EIF2S3: variants seen among roughly 807,000 people sequenced by gnomAD.
EIF2S3 encodes the protein eukaryotic translation initiation factor 2 subunit gamma.
Under a neutral mutation model 31.7 loss-of-function variants are expected in EIF2S3, and 2 were observed. The observed-to-expected ratio is 0.06, with a 90% confidence interval of 0.03 to 0.20. The LOEUF (loss-of-function observed/expected upper bound fraction) is 0.20. Among genes scored for constraint, EIF2S3 ranks in the 10% least tolerant of loss-of-function variants. The probability of loss-of-function intolerance (pLI) is 1.00; values close to 1 mark genes in which losing one functional copy is unlikely to be tolerated. For synonymous variants in EIF2S3, 120 were observed against 126.7 expected (o/e 0.95, Z 0.36); for missense variants, 96 against 359.3 (o/e 0.27, Z 5.92).
intron 9 of EIF2S3, among the ~76,000 whole-genome samples, chrX:24,069,070 AC>A (rs372091275): frequency 1.6e-4 from 18 of 111,604 alleles, no homozygotes; most frequent in African/African-American, 5.5e-4. Flanking sequence ...ATAAAAGAAA[AC>A]AAAAAAATGA....
At chrX:24,066,905 T>C (rs138740783) in intron 8 of EIF2S3, among the ~76,000 whole-genome samples, 1,486 of 112,153 alleles carry the variant, frequency 0.013, 29 homozygotes, top group African/African-American at 0.045. Flanking sequence ...ACAATAAACA[T>C]GGGAGTGCAG....
At chrX:24,060,205 G>A in intron 5 of EIF2S3, 23 bp downstream of exon 5, 5 of 1,150,055 alleles carry the variant, frequency 4.3e-6, no homozygotes, top group Non-Finnish European at 6.0e-6. Flanking sequence ...CAATTGGTTT[G>A]GACAAATCAA....
chrX:24,059,526 G>A (rs1253917113), intron 4 of EIF2S3, among the ~76,000 whole-genome samples: 2 of 109,527 alleles, frequency 1.8e-5, no homozygotes, highest in African/African-American at 3.3e-5. Flanking sequence ...GGGTTCAAGC[G>A]ATTCTCCTGC....
chrX:24,067,569 C>T (rs956294059), intron 8 of EIF2S3, among the ~76,000 whole-genome samples: 1 of 103,092 alleles, frequency 9.7e-6, no homozygotes, highest in Non-Finnish European at 2.0e-5. Context: ...TATGGTCTTC[C>T]GGTTGGACCT....
At chrX:24,063,551 G>A (rs1320936788) in intron 6 of EIF2S3, among the ~76,000 whole-genome samples, 2 of 111,298 alleles carry the variant, frequency 1.8e-5, no homozygotes, top group South Asian at 3.7e-4. Flanking sequence ...AGGCTGAGGC[G>A]GGTGGGTCAC....
chrX:24,077,871 G>GT lies in EIF2S3; in HGVS notation c.*1092dup, dbSNP rs1930779949. ...AGATCTTTTTAGGCCTTCATTTTAT[G>GT]TTTTTTCTTAACTGTTATATTATGA... On this transcript the variant is annotated 3_prime_UTR_variant, in exon 12 of 12. Transcript: ENST00000253039. The GT allele has an allele frequency of 4.5e-5, 5 of 111,502 alleles. No homozygotes were observed. In the South Asian group the frequency reaches 1.5e-3, roughly 33 times the overall value. 9.2% of individuals were successfully genotyped at this position (111,502 alleles called of 1,213,427 possible).
At chrX:24,059,301 A>G (rs1465763951) in intron 4 of EIF2S3, among the ~76,000 whole-genome samples, 4 of 112,522 alleles carry the variant, frequency 3.6e-5, no homozygotes, top group Non-Finnish European at 5.6e-5. Flanking sequence ...CATGCGATTA[A>G]AAAAACAATT....
intron 8 of EIF2S3, among the ~76,000 whole-genome samples, chrX:24,067,664 C>T (rs1341335548): frequency 1.8e-5 from 2 of 108,918 alleles, no homozygotes; most frequent in African/African-American, 6.7e-5. Context: ...GATCTCGGTT[C>T]ACTGCAACCT....
rs769499550 is a variant in EIF2S3 at position 24,055,015 on chromosome X, C to T, written c.47C>T (p.Ser16Leu). Residue 16 changes from serine (S) to leucine (L), a missense_variant, in exon 1 of 12, where the codon TCG becomes TTG. By Grantham distance (145) the Ser-to-Leu change is moderately radical. Transcript: ENST00000253039. ...GTGACTCTAGGGCAGCCGCATCTTT[C>T]GCGTCAGGATCTCACCACCTTGGTG... Reference protein sequence around the residue: ...AGVTLGQPHLSRQDLTTLDVT... With the variant: ...AGVTLGQPHLLRQDLTTLDVT... 8.3e-7 allele frequency: 1 copy of T among 1,209,011 alleles called. No individual in the cohort carries two copies. The highest frequency in any genetic ancestry group is 1.1e-6 in the Non-Finnish European group (1 of 895,098).
intron 7 of EIF2S3, among the ~76,000 whole-genome samples, chrX:24,065,100 G>C (rs1410044530): frequency 9.0e-6 from 1 of 111,552 alleles, no homozygotes; most frequent in Non-Finnish European, 1.9e-5. Context: ...CGAGCTTCTG[G>C]TGTTTAGTAG....
rs774578480 is a variant in EIF2S3, at chrX:24,057,120, T to C, written c.134-301T>C. ...ATCTCGGCTCACTGCAGCCTCCACC[T>C]CCTGGGTTCAAGTGATTCTTTTGCC... On this transcript the variant is annotated intron_variant, in intron 2 of 11. Transcript: ENST00000253039. Among the ~76,000 whole-genome samples, 3 of 112,725 alleles carry C rather than the reference T, an allele frequency of 2.7e-5. No homozygotes were observed. The East Asian group carries it at 8.4e-4, about 32-fold the overall frequency.
At chrX:24,056,814 A>G (rs1930410858) in intron 2 of EIF2S3, among the ~76,000 whole-genome samples, 1 of 112,054 alleles carries the variant, frequency 8.9e-6, no homozygotes, top group Non-Finnish European at 1.9e-5. Context: ...AGCTGTGATC[A>G]GGGCATTGCA....
chrX:24,056,226 C>T (rs1930401900), intron 2 of EIF2S3, among the ~76,000 whole-genome samples: 2 of 111,475 alleles, frequency 1.8e-5, no homozygotes, highest in Admixed American at 1.9e-4. Flanking sequence ...AAAAGTAAGA[C>T]TCCACCATGA....
At chrX:24,073,556 G>A (rs780079977) in intron 11 of EIF2S3, 130 of 147,446 alleles carry the variant, frequency 8.8e-4, no homozygotes, top group African/African-American at 4.0e-3. Context: ...AGCCGGGCGT[G>A]GTGGCGGGCG....
chrX:24,073,062 G>T (rs1452387474), intron 10 of EIF2S3, 29 bp from the exon 11 acceptor site: 1 of 1,180,426 alleles, frequency 8.5e-7, no homozygotes, highest in Middle Eastern at 2.4e-4. Context: ...TGATTTTGGG[G>T]TTTATTTTTC....
intron 11 of EIF2S3, among the ~76,000 whole-genome samples, chrX:24,075,985 T>A (rs1337798269): frequency 2.7e-5 from 3 of 111,176 alleles, no homozygotes; most frequent in Admixed American, 1.9e-4. Flanking sequence ...ATTACAGACA[T>A]GAGCCACCCC....
Position 24,061,212 on chromosome X carries a change from G to A in EIF2S3, c.478+1030G>A, listed in dbSNP as rs184717217. Among the ~76,000 whole-genome samples the A allele has an allele frequency of 9.9e-5, 10 of 100,842 alleles. No individual in the cohort carries two copies. The Admixed American group carries it at 1.1e-3, about 11-fold the overall frequency. 87.6% of individuals were successfully genotyped at this position (100,842 alleles called of 115,157 possible). On this transcript the variant is annotated intron_variant, in intron 5 of 11. Coordinates refer to ENST00000253039, the MANE Select transcript of EIF2S3 (RefSeq NM_001415.4). ...ACAGAGGTTGCAGTGAGCAGAGATC[G>A]AGCCATTGCACTCCAGCCTGGGCGA...
intron 10 of EIF2S3, among the ~76,000 whole-genome samples, chrX:24,072,327 C>T (rs1184169463): frequency 9.0e-6 from 1 of 111,492 alleles, no homozygotes; most frequent in Non-Finnish European, 1.9e-5. Context: ...CTCTGTTGCC[C>T]AGGCTGGAGT....
At chrX:24,059,385 T>A (rs1013932708) in intron 4 of EIF2S3, among the ~76,000 whole-genome samples, 2 of 111,786 alleles carry the variant, frequency 1.8e-5, no homozygotes, top group Non-Finnish European at 3.8e-5. Context: ...TTCTAGTTTT[T>A]CAAGGTGTTA....
Sources: allele counts gnomAD v4.1 joint callset (sites outside exome capture counted in the v4.1 genomes callset), GRCh38; gene constraint gnomAD v4.1.1; transcripts MANE v1.5; gene names NCBI Gene and HGNC (gene_info 2026-07-23, HGNC 2026-07-21).